MEI4: variants seen among roughly 807,000 people sequenced by gnomAD.
MEI4 encodes the protein meiosis-specific protein MEI4.
MEI4 carries 27 observed loss-of-function variants against 31.4 expected under a neutral mutation model. That is an observed-to-expected ratio of 0.86 (90% CI 0.63 to 1.19). MEI4 has a LOEUF of 1.19. MEI4 is among the 50% of genes most tolerant of loss of function. The pLI, the probability that MEI4 is intolerant of heterozygous loss-of-function variation, is 0.00. For synonymous variants in MEI4, 122 were observed against 145.4 expected, an observed-to-expected ratio of 0.84 and a Z score of 1.16; for missense variants, 329 against 398.9, an observed-to-expected ratio of 0.82 and a Z score of 1.49.
chr6:77,804,318 G>T (rs1170428031), intron 3 of MEI4, among the ~76,000 whole-genome samples: 1 of 152,160 alleles, frequency 6.6e-6, no homozygotes, highest in East Asian at 1.9e-4. Flanking sequence ...CAGTATTAGG[G>T]TGGGAGTGAC....
At chr6:77,691,934 T>C (rs1769165258) in intron 2 of MEI4, among the ~76,000 whole-genome samples, 1 of 151,838 alleles carries the variant, frequency 6.6e-6, no homozygotes, top group Non-Finnish European at 1.5e-5. Context: ...AACACATAAA[T>C]CAGGCAGTGT....
intron 4 of MEI4, among the ~76,000 whole-genome samples, chr6:77,867,976 C>A (rs895321904): frequency 2.6e-5 from 4 of 151,914 alleles, no homozygotes; most frequent in East Asian, 2.0e-4. Context: ...GACAAAAAAA[C>A]CAAACACCGC....
At chr6:77,740,985 T>A (rs941763253) in intron 2 of MEI4, among the ~76,000 whole-genome samples, 2 of 152,036 alleles carry the variant, frequency 1.3e-5, no homozygotes, top group African/African-American at 4.8e-5. Flanking sequence ...GTAATATAAT[T>A]ATATGTAAGG....
At chr6:77,787,649 A>C (rs1453501481) in intron 3 of MEI4, among the ~76,000 whole-genome samples, 1 of 152,192 alleles carries the variant, frequency 6.6e-6, no homozygotes, top group Non-Finnish European at 1.5e-5. Context: ...CACAGGTGAC[A>C]AAGAATTAAG....
intron 2 of MEI4, among the ~76,000 whole-genome samples, chr6:77,696,206 G>A (rs910079522): frequency 6.6e-6 from 1 of 152,150 alleles, no homozygotes; most frequent in African/African-American, 2.4e-5. Context: ...CATGTCATCT[G>A]CAAACAGGGA....
chr6:77,773,137 A>G (rs146864725), intron 3 of MEI4, among the ~76,000 whole-genome samples: 1 of 152,056 alleles, frequency 6.6e-6, no homozygotes, highest in Admixed American at 6.6e-5. Flanking sequence ...CTATAGAGTC[A>G]TTGTAATCGC....
intron 4 of MEI4, among the ~76,000 whole-genome samples, chr6:77,860,316 C>G (rs1176108938): frequency 6.6e-6 from 1 of 152,092 alleles, no homozygotes. Flanking sequence ...CTGCTAGGTG[C>G]ACCTAAATCT....
intron 2 of MEI4, among the ~76,000 whole-genome samples, chr6:77,701,987 G>C (rs1200409401): frequency 6.6e-6 from 1 of 152,036 alleles, no homozygotes; most frequent in African/African-American, 2.4e-5. Flanking sequence ...CTTCTTTTCT[G>C]CCTTATAGCC....
intron 2 of MEI4, among the ~76,000 whole-genome samples, chr6:77,734,941 T>G (rs896863958): frequency 1.9e-4 from 29 of 151,954 alleles, no homozygotes; most frequent in African/African-American, 7.0e-4. Flanking sequence ...ATTCTTTTCT[T>G]TAAGAATGTT....
chr6:77,912,086 T>C (rs1349855293), intron 4 of MEI4, among the ~76,000 whole-genome samples: 16 of 152,110 alleles, frequency 1.1e-4, no homozygotes, highest in Non-Finnish European at 2.4e-4. Flanking sequence ...AATGTGGGTG[T>C]CCTTTTCCCA....
At chr6:77,875,610 C>G (rs1047608255) in intron 4 of MEI4, among the ~76,000 whole-genome samples, 1 of 152,110 alleles carries the variant, frequency 6.6e-6, no homozygotes, top group African/African-American at 2.4e-5. Context: ...AATCCAGGAT[C>G]TTGGAAAGGG....
At chr6:77,742,403 G>A (rs1310918624) in intron 2 of MEI4, among the ~76,000 whole-genome samples, 24 of 151,914 alleles carry the variant, frequency 1.6e-4, no homozygotes, top group Admixed American at 9.2e-4. Context: ...GTGTTTTTTG[G>A]CTGCATAAAT....
intron 4 of MEI4, among the ~76,000 whole-genome samples, chr6:77,858,761 A>C (rs12200754): frequency 0.28 from 42,524 of 151,798 alleles, 6,695 homozygotes; most frequent in South Asian, 0.38. Context: ...TTCCATCACA[A>C]ATTATTTTAA....
chr6:77,835,319 C>A (rs1045955572), intron 4 of MEI4, among the ~76,000 whole-genome samples: 7 of 146,886 alleles, frequency 4.8e-5, no homozygotes, highest in African/African-American at 7.5e-5. Context: ...GAGACTGCAC[C>A]ATTGCACTCC....
At chr6:77,758,587 T>C (rs1419961344) in intron 2 of MEI4, among the ~76,000 whole-genome samples, 1 of 152,202 alleles carries the variant, frequency 6.6e-6, no homozygotes, top group African/African-American at 2.4e-5. Flanking sequence ...TCTCCTTTAA[T>C]TTCCTGTATG....
At chr6:77,678,264 C>T (rs897585644) in intron 1 of MEI4, among the ~76,000 whole-genome samples, 6 of 152,208 alleles carry the variant, frequency 3.9e-5, no homozygotes, top group South Asian at 2.1e-4. Context: ...TGCTGCTATT[C>T]GGCCTGTATC....
intron 2 of MEI4, among the ~76,000 whole-genome samples, chr6:77,737,400 G>A (rs1238826096): frequency 1.3e-5 from 2 of 151,996 alleles, no homozygotes; most frequent in Non-Finnish European, 2.9e-5. Context: ...AAGATTTTTA[G>A]TTGTTCTGAA....
chr6:77,653,763 A>T (rs1768339785), intron 1 of MEI4, among the ~76,000 whole-genome samples: 1 of 152,192 alleles, frequency 6.6e-6, no homozygotes, highest in Admixed American at 6.5e-5. Flanking sequence ...GTAGCCACAT[A>T]ATTTTTTTTG....
chr6:77,824,876 G>C (rs539169372), intron 3 of MEI4, among the ~76,000 whole-genome samples: 2 of 152,138 alleles, frequency 1.3e-5, no homozygotes, highest in South Asian at 4.2e-4. Context: ...TTCATTAGTA[G>C]GGCTATACAA....
Sources: allele counts gnomAD v4.1 joint callset (sites outside exome capture counted in the v4.1 genomes callset), GRCh38; gene constraint gnomAD v4.1.1; transcripts MANE v1.5; gene names NCBI Gene and HGNC (gene_info 2026-07-23, HGNC 2026-07-21).